PCP2: variants seen among roughly 807,000 people sequenced by gnomAD.
PCP2 encodes the protein Purkinje cell protein 2.
PCP2 carries 21 observed loss-of-function variants against 18.3 expected under a neutral mutation model. That is an observed-to-expected ratio of 1.14 (90% CI 0.81 to 1.65). The LOEUF (loss-of-function observed/expected upper bound fraction) is 1.65, where lower values mean the gene tolerates loss of function less well. PCP2 is among the 40% of genes most tolerant of loss of function. PCP2 has a pLI of 0.00. For synonymous variants in PCP2, 85 were observed against 77.6 expected (o/e 1.10, Z -0.50); for missense variants, 202 against 201.8 (o/e 1.00, Z 0.00).
Position 7,632,898 on chromosome 19 carries a change from A to G in PCP2, c.52-68T>C. 6.6e-7 allele frequency: 1 copy of G among 1,525,580 alleles called. No homozygotes were observed. Among genetic ancestry groups the G allele is most frequent in the African/African-American group, 1.4e-5 (1 of 72,938 alleles). 94.5% of individuals were successfully genotyped at this position (1,525,580 alleles called of 1,614,324 possible). On this transcript the variant is annotated intron_variant, in intron 1 of 3. Transcript: ENST00000311069. This position sits in a 1 kb window ranked among gnomAD's most constrained non-coding sequence, Gnocchi z 5.2. ...GGGCCCCTCCCCAAACTTCCTAGCC[A>G]GCTTGCTCACACCCTGACCCCGGGG...
upstream of PCP2, among the ~76,000 whole-genome samples, chr19:7,634,673 A>T (rs11672074): frequency 0.29 from 44,262 of 151,830 alleles, 7,114 homozygotes; most frequent in Non-Finnish European, 0.37. Flanking sequence ...CTGAGCCTTT[A>T]AAATTTTTTT....
chr19:7,632,259 C>T lies in PCP2; in HGVS notation c.291+134G>A. On this transcript the variant is annotated intron_variant, in intron 3 of 3. Transcript: ENST00000311069. The surrounding 1 kb of genome is among the most constrained non-coding windows in gnomAD (Gnocchi z 5.2). ...CTCTAGCCACTGCCTGGGCCTTGGT[C>T]CTCCCATCTGAAGTCAGGGCAGCGG... 7.3e-7 allele frequency: 1 copy of T among 1,371,250 alleles called. No individual in the cohort carries two copies. Among genetic ancestry groups the T allele is most frequent in the South Asian group, 1.3e-5 (1 of 74,992 alleles). The allele number at this position is 1,371,250 out of a possible 1,614,324, so 84.9% of individuals were successfully genotyped here.
At chr19:7,635,806 C>T (rs531562178), upstream of PCP2, among the ~76,000 whole-genome samples, 1 of 152,288 alleles carries the variant, frequency 6.6e-6, no homozygotes, top group South Asian at 2.1e-4. Context: ...GGTTGCCAAC[C>T]GTCCTGGTTT....
chr19:7,633,105 C>T (rs1599381361), intron 1 of PCP2: 1 of 1,099,362 alleles, frequency 9.1e-7, no homozygotes, highest in Non-Finnish European at 1.3e-6. Context: ...TCCCGCCGTC[C>T]TAGATTGGGG....
upstream of PCP2, among the ~76,000 whole-genome samples, chr19:7,634,839 C>T (rs986314278): frequency 2.6e-5 from 4 of 152,218 alleles, no homozygotes; most frequent in Admixed American, 6.5e-5. Flanking sequence ...CTTGGCTTGT[C>T]ACTGCAGCTC....
rs762583946 is a variant in PCP2, at chr19:7,631,621, T to G, written c.*68A>C. 6.8e-7 allele frequency: 1 copy of G among 1,465,134 alleles called. No homozygotes were observed. The highest frequency in any genetic ancestry group is 2.6e-5 in the East Asian group (1 of 38,172). The allele number at this position is 1,465,134 out of a possible 1,614,324, so 90.8% of individuals were successfully genotyped here. A position where few individuals can be genotyped will look rare whatever the true frequency, so the allele number is the denominator to read the frequency against. ...TATACATATACTCAGTTCCTTGTTA[T>G]TCATTTAAGTGTTTTATTCTTTTAT... On this transcript the variant is annotated 3_prime_UTR_variant, in exon 4 of 4. Coordinates refer to ENST00000311069, the MANE Select transcript of PCP2 (RefSeq NM_174895.3).
At chr19:7,636,880 G>A (rs1319052188), upstream of PCP2, 2 of 382,364 alleles carry the variant, frequency 5.2e-6, no homozygotes, top group Non-Finnish European at 9.3e-6. Flanking sequence ...ACGCAAGCCA[G>A]GAAGTGTGTG....
rs780692528 is a variant in PCP2, at chr19:7,633,482, T to C, written c.-25A>G. ...TGTCCCTGGACTCCAGTCACTTTTC[T>C]GCTGGCCTCTGCCCCGGCCCAGTGC... is the stretch of plus-strand genomic sequence containing the variant. On this transcript the variant is annotated 5_prime_UTR_variant, in exon 1 of 4. Transcript: ENST00000311069. 6.4e-7 allele frequency: 1 copy of C among 1,563,112 alleles called. No homozygotes were observed. Among genetic ancestry groups the C allele is most frequent in the Non-Finnish European group, 8.7e-7 (1 of 1,152,340 alleles).
Position 7,633,541 on chromosome 19 carries a change from G to A in PCP2, c.-84C>T, listed in dbSNP as rs2031424975. 8.7e-6 allele frequency: 12 copies of A among 1,373,110 alleles called. No individual in the cohort carries two copies. The South Asian group carries it at 1.5e-4, about 17-fold the overall frequency. 85.1% of individuals were successfully genotyped at this position (1,373,110 alleles called of 1,614,324 possible). On this transcript the variant is annotated 5_prime_UTR_variant, in exon 1 of 4. Coordinates refer to ENST00000311069, the MANE Select transcript of PCP2 (RefSeq NM_174895.3). ...GCCTTTTAAACGTCCAGGACGTGGG[G>A]GTGTGGATTCCCCCCATCCCCAAAT...
rs773715733 is a variant in PCP2 at position 7,632,698 on chromosome 19, C to T, written c.166+18G>A. ...CCCGTTCACGCCCCATGGACAGCAC[C>T]CCCGTGCCCATGCTCACGGCTCTTG... On this transcript the variant is annotated intron_variant, in intron 2 of 3. Coordinates refer to ENST00000311069, the MANE Select transcript of PCP2 (RefSeq NM_174895.3). The surrounding 1 kb of genome is among the most constrained non-coding windows in gnomAD (Gnocchi z 5.2). 3.2e-6 allele frequency: 5 copies of T among 1,550,454 alleles called. No individual in the cohort carries two copies. Among genetic ancestry groups the T allele is most frequent in the Non-Finnish European group, 4.3e-6 (5 of 1,152,916 alleles).
Position 7,632,595 on chromosome 19 carries a change from A to G in PCP2, c.167-78T>C. 6.3e-7 allele frequency: 1 copy of G among 1,595,248 alleles called. No homozygotes were observed. The highest frequency in any genetic ancestry group is 8.5e-7 in the Non-Finnish European group (1 of 1,172,150). On this transcript the variant is annotated intron_variant, in intron 2 of 3. Coordinates refer to ENST00000311069, the MANE Select transcript of PCP2 (RefSeq NM_174895.3). The surrounding 1 kb of genome is among the most constrained non-coding windows in gnomAD (Gnocchi z 5.2). ...ACCCTACCCCTTCACCCCCACACAG[A>G]TGCTTCAGGGTGCACAACCACCTCC...
upstream of PCP2, among the ~76,000 whole-genome samples, chr19:7,634,173 C>A (rs1300638261): frequency 2.0e-5 from 3 of 152,192 alleles, no homozygotes; most frequent in Non-Finnish European, 4.4e-5. Context: ...CAGGTGGGAA[C>A]AGGAGGCGAG....
intron 3 of PCP2, 161 bp from the exon 4 acceptor site, chr19:7,631,969 A>G: frequency 1.4e-6 from 1 of 715,822 alleles, no homozygotes; most frequent in Non-Finnish European, 2.0e-6. Flanking sequence ...GTGGCATTTG[A>G]GTGTGAGGTG....
chr19:7,634,371 C>T (rs1404369591), upstream of PCP2, among the ~76,000 whole-genome samples: 2 of 152,202 alleles, frequency 1.3e-5, no homozygotes, highest in Non-Finnish European at 2.9e-5. Flanking sequence ...GCTGCACTAT[C>T]ACCACCTCTG....
At position 7,632,420 on chromosome 19, in the gene PCP2, C is replaced by G; in HGVS notation, c.264G>C (p.Leu88=). 6.2e-7 allele frequency: 1 copy of G among 1,613,994 alleles called. No individual in the cohort carries two copies. Among genetic ancestry groups the G allele is most frequent in the Non-Finnish European group, 8.5e-7 (1 of 1,179,976 alleles). ...MDDQRVTVSS[L]PGFQPVGSKD... ...TGGACCCCACGGGCTGGAAGCCGGG[C>G]AGGCTGCTGACTGTCACACGTTGGT... Residue 88 remains leucine, a synonymous_variant, in exon 3 of 4, where the codon CTG becomes CTC. Transcript: ENST00000311069. The surrounding 1 kb of genome is among the most constrained non-coding windows in gnomAD (Gnocchi z 5.2).
At chr19:7,636,726 C>T (rs572309572), upstream of PCP2, 46 of 176,042 alleles carry the variant, frequency 2.6e-4, no homozygotes, top group South Asian at 8.2e-3. Context: ...TGCCTCTAAA[C>T]CCTGAAGTAC....
upstream of PCP2, chr19:7,636,289 A>G (rs952906476): frequency 6.6e-6 from 1 of 152,090 alleles, no homozygotes; most frequent in African/African-American, 2.4e-5. Context: ...CGGAGACCTC[A>G]TTTTGTATGG....
At chr19:7,631,984 G>T in intron 3 of PCP2, 176 bp from the exon 4 acceptor site, 1 of 601,176 alleles carries the variant, frequency 1.7e-6, no homozygotes, top group Non-Finnish European at 2.6e-6. Flanking sequence ...GAGGTGGCAG[G>T]TCTTGGGGCC....
chr19:7,635,298 G>C (rs2146199784), upstream of PCP2, among the ~76,000 whole-genome samples: 1 of 152,242 alleles, frequency 6.6e-6, no homozygotes. Flanking sequence ...ATGGATTGTG[G>C]TAATGGACAC....
Sources: allele counts gnomAD v4.1 joint callset (sites outside exome capture counted in the v4.1 genomes callset), GRCh38; gene constraint gnomAD v4.1.1; non-coding constraint Gnocchi (gnomAD v3.1); transcripts MANE v1.5; gene names NCBI Gene and HGNC (gene_info 2026-07-23, HGNC 2026-07-21).